Variants in LMO7 observed in about 807,000 individuals in gnomAD.
The protein encoded by LMO7 is LIM domain 7, also known as LIM domain only protein 7.
Under a neutral mutation model 206.5 loss-of-function variants are expected in LMO7, and 120 were observed. The observed-to-expected ratio is 0.58, with a 90% CI of 0.50 to 0.68. The LOEUF is 0.68. Among genes scored for constraint, LMO7 ranks in the 30% least tolerant of loss-of-function variants. The pLI, the probability that LMO7 is intolerant of heterozygous loss-of-function variation, is 0.00. For synonymous variants in LMO7, 706 were observed against 681.5 expected (o/e 1.04, Z -0.56); for missense variants, 1,959 against 1,957.9 (o/e 1.00, Z -0.01).
intron 15 of LMO7, among the ~76,000 whole-genome samples, chr13:75,824,222 A>G (rs2057891710): frequency 1.3e-5 from 2 of 152,188 alleles, no homozygotes; most frequent in South Asian, 2.1e-4. Flanking sequence ...AAGGTTTTAC[A>G]TGCAGATCTA....
chr13:75,756,918 C>T (rs991282141), intron 3 of LMO7, among the ~76,000 whole-genome samples: 2 of 152,172 alleles, frequency 1.3e-5, no homozygotes, highest in Admixed American at 1.3e-4. Context: ...ACATGAATCA[C>T]TGAGGTGGGT....
intron 17 of LMO7, among the ~76,000 whole-genome samples, chr13:75,834,990 TCTGTTGGTAAAAA>T (rs1371240395): frequency 6.6e-6 from 1 of 152,210 alleles, no homozygotes; most frequent in East Asian, 1.9e-4. Flanking sequence ...GGGAAGGTGG[TCTGTTGGTAAAAA>T]GCCCTAAACT....
intron 3 of LMO7, among the ~76,000 whole-genome samples, chr13:75,728,155 G>A (rs896123070): frequency 1.3e-5 from 2 of 152,094 alleles, no homozygotes; most frequent in African/African-American, 2.4e-5. Context: ...GGGATTGCTG[G>A]GTCAAATGGT....
At chr13:75,834,752 A>T (rs904533078) in intron 17 of LMO7, among the ~76,000 whole-genome samples, 1 of 152,182 alleles carries the variant, frequency 6.6e-6, no homozygotes, top group Non-Finnish European at 1.5e-5. Flanking sequence ...ATATTGGTAT[A>T]AGAGAGAGAG....
At chr13:75,776,824 A>G (rs1383000278) in intron 4 of LMO7, among the ~76,000 whole-genome samples, 2 of 152,236 alleles carry the variant, frequency 1.3e-5, no homozygotes. Context: ...TAGGGACACT[A>G]GTAAAGCTCT....
chr13:75,737,790 A>AC (rs1446575353), intron 3 of LMO7, among the ~76,000 whole-genome samples: 25 of 129,492 alleles, frequency 1.9e-4, no homozygotes, highest in Non-Finnish European at 3.4e-4. Context: ...AATAAAAAAA[A>AC]AAAAAAAAAA....
intron 3 of LMO7, among the ~76,000 whole-genome samples, chr13:75,727,356 T>C (rs574395148): frequency 6.6e-6 from 1 of 152,062 alleles, no homozygotes; most frequent in East Asian, 1.9e-4. Flanking sequence ...ACAAATGATA[T>C]AGATGACATA....
intron 4 of LMO7, among the ~76,000 whole-genome samples, chr13:75,762,755 A>G (rs1225126746): frequency 2.0e-5 from 3 of 152,196 alleles, no homozygotes; most frequent in Admixed American, 6.5e-5. Context: ...GGTGTGCCTA[A>G]GTAGTACCTG....
At chr13:75,726,932 A>AG in intron 2 of LMO7, 97 bp from the exon 3 acceptor site, 1 of 718,084 alleles carries the variant, frequency 1.4e-6, no homozygotes, top group Non-Finnish European at 2.5e-6. Context: ...TAACACATTG[A>AG]GGGGAGGGAA....
intron 11 of LMO7, among the ~76,000 whole-genome samples, chr13:75,815,888 C>T (rs2056931196): frequency 6.6e-6 from 1 of 152,108 alleles, no homozygotes; most frequent in Non-Finnish European, 1.5e-5. Context: ...CAGGTAGCAA[C>T]ATTAGTAACC....
At chr13:75,626,265 T>C (rs1396577624) in intron 2 of LMO7, among the ~76,000 whole-genome samples, 4 of 152,064 alleles carry the variant, frequency 2.6e-5, no homozygotes, top group Non-Finnish European at 5.9e-5. Flanking sequence ...AAAAGACGTT[T>C]AATGGGACTT....
At chr13:75,710,933 G>T (rs1466214309) in intron 1 of LMO7, among the ~76,000 whole-genome samples, 1 of 151,912 alleles carries the variant, frequency 6.6e-6, no homozygotes, top group Non-Finnish European at 1.5e-5. Flanking sequence ...TTGTCTGTGG[G>T]TTTGTCATAG....
At chr13:75,689,738 C>A (rs745922060) in intron 1 of LMO7, among the ~76,000 whole-genome samples, 3 of 152,202 alleles carry the variant, frequency 2.0e-5, no homozygotes, top group Non-Finnish European at 4.4e-5. Context: ...AGGTTTTGGA[C>A]TCTTGGACCT....
chr13:75,659,363 C>G (rs1196448595), intron 1 of LMO7, among the ~76,000 whole-genome samples: 1 of 152,172 alleles, frequency 6.6e-6, no homozygotes, highest in Non-Finnish European at 1.5e-5. Flanking sequence ...TATTAAGCTA[C>G]TCTTGTGTAT....
chr13:75,747,931 A>G (rs116311568), intron 3 of LMO7, among the ~76,000 whole-genome samples: 1 of 152,106 alleles, frequency 6.6e-6, no homozygotes, highest in African/African-American at 2.4e-5. Context: ...TGAGTGAGGG[A>G]TCCTCATGTA....
intron 1 of LMO7, among the ~76,000 whole-genome samples, chr13:75,691,551 C>T (rs956257369): frequency 6.6e-6 from 1 of 152,130 alleles, no homozygotes; most frequent in Non-Finnish European, 1.5e-5. Context: ...TTCACTCTGG[C>T]CTCTGGAGCA....
At chr13:75,630,571 G>C (rs2034786989) in intron 2 of LMO7, among the ~76,000 whole-genome samples, 1 of 152,172 alleles carries the variant, frequency 6.6e-6, no homozygotes, top group South Asian at 2.1e-4. Flanking sequence ...GTACTCGGGA[G>C]GCTGAGGTGG....
intron 4 of LMO7, among the ~76,000 whole-genome samples, chr13:75,784,571 C>G (rs2052095485): frequency 6.6e-6 from 1 of 152,138 alleles, no homozygotes; most frequent in African/African-American, 2.4e-5. Flanking sequence ...GTTCATATCA[C>G]ACAGCACATT....
At chr13:75,653,816 A>G (rs986495788) in intron 1 of LMO7, among the ~76,000 whole-genome samples, 9 of 152,208 alleles carry the variant, frequency 5.9e-5, no homozygotes, top group African/African-American at 1.7e-4. Context: ...CCATAAGTCA[A>G]CAGATAATTC....
Sources: allele counts gnomAD v4.1 joint callset (sites outside exome capture counted in the v4.1 genomes callset), GRCh38; gene constraint gnomAD v4.1.1; transcripts MANE v1.5; gene names NCBI Gene and HGNC (gene_info 2026-07-23, HGNC 2026-07-21).